DAP: variants seen among roughly 807,000 people sequenced by gnomAD.
DAP encodes death-associated protein 1.
DAP carries 8 observed loss-of-function variants against 13.8 expected under a neutral mutation model. That is an observed-to-expected ratio of 0.58 (90% CI 0.34 to 1.05). The LOEUF is 1.05. DAP is among the 50% of genes least tolerant of loss of function. The pLI is 0.03. For synonymous variants in DAP, 47 were observed against 47.5 expected, an observed-to-expected ratio of 0.99 and a Z score of 0.04; for missense variants, 106 against 133.2, an observed-to-expected ratio of 0.80 and a Z score of 1.01.
intron 2 of DAP, among the ~76,000 whole-genome samples, chr5:10,686,087 G>A (rs11950814): frequency 0.037 from 5,627 of 152,276 alleles, 157 homozygotes; most frequent in Non-Finnish European, 0.059. Flanking sequence ...GTGATCTGTG[G>A]TCATTGATCT....
chr5:10,758,091 TATCC>T (rs2111404864), intron 1 of DAP, among the ~76,000 whole-genome samples: 2 of 152,352 alleles, frequency 1.3e-5, no homozygotes, highest in East Asian at 3.8e-4. Flanking sequence ...ACAAGTCTGT[TATCC>T]AATTTAAGCA....
At chr5:10,754,199 C>T (rs777144574) in intron 1 of DAP, among the ~76,000 whole-genome samples, 7 of 152,110 alleles carry the variant, frequency 4.6e-5, no homozygotes, top group Non-Finnish European at 8.8e-5. Flanking sequence ...GGGTGAGAGG[C>T]GGTAAGAACG....
intron 2 of DAP, among the ~76,000 whole-genome samples, chr5:10,687,977 G>A (rs545216614): frequency 6.8e-6 from 1 of 146,166 alleles, no homozygotes; most frequent in Non-Finnish European, 1.5e-5. Context: ...GTACAGTGGT[G>A]TGATCTCTGC....
intron 2 of DAP, 41 bp from the exon 3 acceptor site, chr5:10,683,612 T>C: frequency 6.3e-7 from 1 of 1,598,148 alleles, no homozygotes; most frequent in Non-Finnish European, 8.6e-7. Context: ...AACAAAACAG[T>C]CCACAACAGG....
rs566049214 is a variant in DAP, at chr5:10,680,262, G to A, written c.*794C>T. ...ACTAGAAGTCTATTCCTCCACCCTGGTCCGTGGTCACTTCCAGAACTCTGA... is the reference window on the plus strand; with the variant it reads ...ACTAGAAGTCTATTCCTCCACCCTGATCCGTGGTCACTTCCAGAACTCTGA... On this transcript the variant is annotated 3_prime_UTR_variant, in exon 4 of 4. Transcript: ENST00000230895. 133 of 168,666 alleles carry A rather than the reference G, an allele frequency of 7.9e-4. 1 individual carries two copies. The highest frequency in any genetic ancestry group is 1.5e-3 in the Non-Finnish European group (114 of 78,370). 10.4% of individuals were successfully genotyped at this position (168,666 alleles called of 1,614,324 possible). A position where few individuals can be genotyped will look rare whatever the true frequency, so the allele number is the denominator to read the frequency against.
intron 1 of DAP, among the ~76,000 whole-genome samples, chr5:10,755,231 C>T (rs1014050876): frequency 9.2e-5 from 14 of 152,108 alleles, no homozygotes; most frequent in African/African-American, 2.2e-4. Context: ...GAAGGCGCCA[C>T]GAGCCAAGGA....
At chr5:10,719,623 C>T (rs187572209) in intron 2 of DAP, among the ~76,000 whole-genome samples, 288 of 152,332 alleles carry the variant, frequency 1.9e-3, no homozygotes, top group Middle Eastern at 0.01. Flanking sequence ...TGCTTTCTGA[C>T]CCATCTATCC....
chr5:10,705,675 C>T (rs1738681482), intron 2 of DAP, among the ~76,000 whole-genome samples: 1 of 152,204 alleles, frequency 6.6e-6, no homozygotes, highest in Admixed American at 6.5e-5. Context: ...TGCTCTCTGC[C>T]CTCCTGCAGT....
intron 1 of DAP, among the ~76,000 whole-genome samples, chr5:10,751,400 T>C (rs1740042692): frequency 6.6e-6 from 1 of 152,178 alleles, no homozygotes. Context: ...ACCTACACCT[T>C]AGGGTCATTT....
intron 2 of DAP, among the ~76,000 whole-genome samples, chr5:10,735,809 G>A (rs1278759481): frequency 6.6e-6 from 1 of 152,182 alleles, no homozygotes; most frequent in East Asian, 1.9e-4. Flanking sequence ...CTGTTGGAAT[G>A]CCAACAGAGC....
chr5:10,695,441 C>T (rs775119982), intron 2 of DAP, among the ~76,000 whole-genome samples: 17 of 152,194 alleles, frequency 1.1e-4, no homozygotes, highest in Non-Finnish European at 2.1e-4. Context: ...ATTCTAAACC[C>T]GAGAGAAAAT....
chr5:10,755,977 G>C (rs1234225364), intron 1 of DAP, among the ~76,000 whole-genome samples: 3 of 152,150 alleles, frequency 2.0e-5, no homozygotes, highest in Non-Finnish European at 4.4e-5. Context: ...GTAAAACCTT[G>C]TGTCTACACA....
At chr5:10,688,372 T>A (rs1378553273) in intron 2 of DAP, among the ~76,000 whole-genome samples, 1 of 152,186 alleles carries the variant, frequency 6.6e-6, no homozygotes, top group Non-Finnish European at 1.5e-5. Context: ...ACAGAATTTT[T>A]AAATTTTTAA....
chr5:10,715,307 G>C (rs1738955624), intron 2 of DAP, among the ~76,000 whole-genome samples: 1 of 152,130 alleles, frequency 6.6e-6, no homozygotes, highest in Admixed American at 6.5e-5. Context: ...TAATAGGAAT[G>C]GCAGCCAGAT....
intron 2 of DAP, among the ~76,000 whole-genome samples, chr5:10,723,597 A>G (rs1190385538): frequency 6.6e-6 from 1 of 152,264 alleles, no homozygotes; most frequent in Non-Finnish European, 1.5e-5. Context: ...CCCAGGCAAG[A>G]AACAAAACAA....
chr5:10,758,547 G>A (rs895041557), intron 1 of DAP, among the ~76,000 whole-genome samples: 1 of 152,154 alleles, frequency 6.6e-6, no homozygotes, highest in Non-Finnish European at 1.5e-5. Context: ...GTCTAAAGGG[G>A]TTGCCCTGAA....
At chr5:10,749,171 T>C (rs1739983667) in intron 1 of DAP, among the ~76,000 whole-genome samples, 1 of 152,294 alleles carries the variant, frequency 6.6e-6, no homozygotes, top group Non-Finnish European at 1.5e-5. Context: ...TCAAATATTC[T>C]ATTGCATGGA....
intron 1 of DAP, among the ~76,000 whole-genome samples, chr5:10,752,664 C>CTGTGCATAAGTGTGTGCACATG (rs1456063934): frequency 2.0e-5 from 3 of 152,158 alleles, no homozygotes; most frequent in Middle Eastern, 3.4e-3. Flanking sequence ...GTGCATGTGC[C>CTGTGCATAAGTGTGTGCACATG]TGTGCATAAG....
At chr5:10,684,992 T>A (rs1182303833) in intron 2 of DAP, among the ~76,000 whole-genome samples, 2 of 152,208 alleles carry the variant, frequency 1.3e-5, no homozygotes, top group African/African-American at 4.8e-5. Flanking sequence ...CACCAGCCTG[T>A]CTCTTCCCAG....
Sources: gnomAD v4.1 joint callset for allele counts (sites outside exome capture counted in the v4.1 genomes callset) on GRCh38, gnomAD v4.1.1 for gene constraint, MANE v1.5 for transcripts, NCBI Gene and HGNC (gene_info 2026-07-23, HGNC 2026-07-21) for gene names.